The following GPATCH2 variants were observed in gnomAD, a reference collection of about 807,000 sequenced individuals.
GPATCH2 encodes the protein G-patch domain containing 2.
In GPATCH2, 51 loss-of-function variants were observed where a neutral mutation model predicts 58.0. That is an observed-to-expected ratio of 0.88 (90% CI 0.70 to 1.11). The LOEUF (loss-of-function observed/expected upper bound fraction) is 1.11. Among genes scored for constraint, GPATCH2 ranks in the 50% most tolerant of loss-of-function variants. The pLI, the probability that GPATCH2 is intolerant of heterozygous loss-of-function variation, is 0.00. For synonymous variants in GPATCH2, 222 were observed against 218.5 expected, an observed-to-expected ratio of 1.02 and a Z score of -0.14; for missense variants, 625 against 652.2, an observed-to-expected ratio of 0.96 and a Z score of 0.45.
At chr1:217,626,990 A>G (rs1285992865) in intron 1 of GPATCH2, among the ~76,000 whole-genome samples, 1 of 152,052 alleles carries the variant, frequency 6.6e-6, no homozygotes, top group African/African-American at 2.4e-5. Flanking sequence ...CTAGGGAAAA[A>G]AAAAAGGCTG....
intron 8 of GPATCH2, among the ~76,000 whole-genome samples, chr1:217,474,707 G>A (rs1660894426): frequency 6.6e-6 from 1 of 152,242 alleles, no homozygotes; most frequent in African/African-American, 2.4e-5. Flanking sequence ...ATCATGAACA[G>A]CGGACCATCT....
intron 5 of GPATCH2, 181 bp downstream of exon 5, chr1:217,610,140 T>C: frequency 1.9e-6 from 3 of 1,553,020 alleles, no homozygotes; most frequent in South Asian, 2.4e-5. Flanking sequence ...AACTAATTTA[T>C]TAGCATTAGA....
At chr1:217,601,110 C>CATA (rs1241149216) in intron 5 of GPATCH2, among the ~76,000 whole-genome samples, 1 of 152,044 alleles carries the variant, frequency 6.6e-6, no homozygotes, top group Non-Finnish European at 1.5e-5. Flanking sequence ...AGTTGTACTG[C>CATA]ATAATATTTA....
intron 9 of GPATCH2, among the ~76,000 whole-genome samples, chr1:217,434,981 C>A (rs1408607639): frequency 2.0e-5 from 3 of 152,126 alleles, no homozygotes; most frequent in Non-Finnish European, 2.9e-5. Context: ...AATGCTAAAT[C>A]TTTCCTCATA....
intron 8 of GPATCH2, among the ~76,000 whole-genome samples, chr1:217,472,871 G>T (rs1660792278): frequency 6.6e-6 from 1 of 152,178 alleles, no homozygotes; most frequent in Admixed American, 6.5e-5. Flanking sequence ...ACAGAGAGAG[G>T]AACTGGCTGA....
intron 5 of GPATCH2, among the ~76,000 whole-genome samples, chr1:217,529,371 GT>G (rs546248596): frequency 6.6e-6 from 1 of 152,284 alleles, no homozygotes; most frequent in South Asian, 2.1e-4. Flanking sequence ...CTCAAGAATG[GT>G]TTGGTTCCCT....
chr1:217,562,673 G>T (rs550915564), intron 5 of GPATCH2, among the ~76,000 whole-genome samples: 2 of 152,264 alleles, frequency 1.3e-5, no homozygotes, highest in South Asian at 4.2e-4. Context: ...ATAAACTGGA[G>T]ATAGACACAT....
rs565634992 is a variant in GPATCH2 at position 217,597,095 on chromosome 1, C to T, written c.1098+13226G>A. 5.3e-5 allele frequency among the ~76,000 whole-genome samples: 8 copies of T among 151,630 alleles called. No individual in the cohort carries two copies. In the South Asian group the frequency reaches 1.0e-3, roughly 20 times the overall value. On this transcript the variant is annotated intron_variant, in intron 5 of 9. Transcript: ENST00000366935. ...CGTAATCCCAGCACTAAGGCTAAGG[C>T]GGGAGGATCACTTAAGGCCAGGAGT...
At chr1:217,581,846 G>A (rs1435190757) in intron 5 of GPATCH2, among the ~76,000 whole-genome samples, 2 of 152,182 alleles carry the variant, frequency 1.3e-5, no homozygotes, top group African/African-American at 4.8e-5. Context: ...AGCTACTTGG[G>A]AGGCTGAGGC....
At position 217,456,404 on chromosome 1, in the gene GPATCH2, C is replaced by T. The variant is rs182228664; in HGVS notation, c.1278-7067G>A. 2.8e-3 allele frequency among the ~76,000 whole-genome samples: 425 copies of T among 152,260 alleles called. 2 individuals carry two copies. The highest frequency in any genetic ancestry group is 9.9e-3 in the African/African-American group (412 of 41,558). On this transcript the variant is annotated intron_variant, in intron 8 of 9. Coordinates refer to ENST00000366935, the MANE Select transcript of GPATCH2 (RefSeq NM_018040.5). Reference sequence around the variant, plus strand: ...AGCCACACCCCTGTCACACCTCCTGCGAGGGGTGACAGGGAACACTCCCGT... The same window carrying T: ...AGCCACACCCCTGTCACACCTCCTGTGAGGGGTGACAGGGAACACTCCCGT...
chr1:217,492,901 T>C (rs1661817961), intron 7 of GPATCH2, among the ~76,000 whole-genome samples: 2 of 152,354 alleles, frequency 1.3e-5, no homozygotes, highest in South Asian at 2.1e-4. Flanking sequence ...CAATAATTTC[T>C]AATGACGAAT....
At chr1:217,495,803 A>G (rs189271693) in intron 7 of GPATCH2, among the ~76,000 whole-genome samples, 2 of 152,338 alleles carry the variant, frequency 1.3e-5, no homozygotes, top group Non-Finnish European at 2.9e-5. Context: ...AGTCCTCAAT[A>G]GATAGTGGCT....
At chr1:217,517,424 A>C (rs934818091) in intron 5 of GPATCH2, among the ~76,000 whole-genome samples, 3 of 152,158 alleles carry the variant, frequency 2.0e-5, no homozygotes, top group African/African-American at 7.2e-5. Flanking sequence ...TGTGGCAACT[A>C]GACACACTTA....
intron 5 of GPATCH2, among the ~76,000 whole-genome samples, chr1:217,597,606 T>C (rs978777234): frequency 6.6e-5 from 10 of 152,178 alleles, no homozygotes; most frequent in African/African-American, 2.4e-4. Context: ...TTACAACTTC[T>C]ACCCTATATC....
rs192118196 is a variant in GPATCH2, at chr1:217,614,031, T to A, written c.835+110A>T. On this transcript the variant is annotated intron_variant, in intron 3 of 9. Transcript: ENST00000366935. ...CTAAATCCTAGTTCACTAAGTAATA[T>A]GTGTAAGGTAAATGGATTGCAGTCA... The A allele has an allele frequency of 6.4e-4, 425 of 667,268 alleles. 1 individual carries two copies. Among genetic ancestry groups the A allele is most frequent in the Non-Finnish European group, 1.0e-3 (364 of 363,998 alleles). The allele number at this position is 667,268 out of a possible 1,614,324, so 41.3% of individuals were successfully genotyped here. A position where few individuals can be genotyped will look rare whatever the true frequency, so the allele number is the denominator to read the frequency against.
At chr1:217,479,383 G>GAAA (rs1661115001) in intron 8 of GPATCH2, among the ~76,000 whole-genome samples, 1 of 152,128 alleles carries the variant, frequency 6.6e-6, no homozygotes, top group African/African-American at 2.4e-5. Context: ...TAGAGAATGA[G>GAAA]GTTGAGGCAT....
intron 8 of GPATCH2, among the ~76,000 whole-genome samples, chr1:217,456,359 A>G (rs1659943042): frequency 6.6e-6 from 1 of 152,116 alleles, no homozygotes; most frequent in African/African-American, 2.4e-5. Context: ...GTTTGAGGGC[A>G]CACAGTGGAC....
chr1:217,469,499 AG>A (rs1468375755), intron 8 of GPATCH2, among the ~76,000 whole-genome samples: 1 of 152,170 alleles, frequency 6.6e-6, no homozygotes, highest in Non-Finnish European at 1.5e-5. Context: ...AGCAAAGGAA[AG>A]GTACTGATTA....
chr1:217,589,476 C>T (rs144123834), intron 5 of GPATCH2, among the ~76,000 whole-genome samples: 1 of 152,164 alleles, frequency 6.6e-6, no homozygotes, highest in African/African-American at 2.4e-5. Flanking sequence ...GGTCATTTCA[C>T]TTGTAAATAT....
Sources: allele counts gnomAD v4.1 joint callset (sites outside exome capture counted in the v4.1 genomes callset), GRCh38; gene constraint gnomAD v4.1.1; transcripts MANE v1.5; gene names NCBI Gene and HGNC (gene_info 2026-07-23, HGNC 2026-07-21).